KAZN: variants seen among roughly 807,000 people sequenced by gnomAD.
KAZN encodes kazrin, periplakin interacting protein, also known as kazrin.
In KAZN, 40 loss-of-function variants were observed where a neutral mutation model predicts 87.4. That is an observed-to-expected ratio of 0.46 (90% CI 0.36 to 0.60). The LOEUF (loss-of-function observed/expected upper bound fraction) is 0.60. Ranked by LOEUF, KAZN falls within the 20% of genes least tolerant of loss-of-function variation. The pLI, the probability that KAZN is intolerant of heterozygous loss-of-function variation, is 0.00. For synonymous variants in KAZN, 466 were observed against 458.3 expected, an observed-to-expected ratio of 1.02 and a Z score of -0.22; for missense variants, 898 against 1,073.9, an observed-to-expected ratio of 0.84 and a Z score of 2.29.
chr1:14,106,433 C>A (rs1024397434), intron 1 of KAZN, among the ~76,000 whole-genome samples: 4 of 152,176 alleles, frequency 2.6e-5, no homozygotes, highest in Non-Finnish European at 4.4e-5. Context: ...TGTGGAACAA[C>A]CCACATCCCT....
chr1:14,685,903 G>A (rs1179733567), intron 1 of KAZN, among the ~76,000 whole-genome samples: 1 of 152,020 alleles, frequency 6.6e-6, no homozygotes, highest in Non-Finnish European at 1.5e-5. Flanking sequence ...AACTCCGTGG[G>A]ATGGGTATTA....
chr1:13,959,578 A>T (rs1456628168), intron 1 of KAZN, among the ~76,000 whole-genome samples: 1 of 152,048 alleles, frequency 6.6e-6, no homozygotes, highest in Non-Finnish European at 1.5e-5. Flanking sequence ...GCCCTCTCGC[A>T]CCCTCAGGGC....
At chr1:14,258,889 G>A (rs934706239) in intron 2 of KAZN, among the ~76,000 whole-genome samples, 2 of 152,160 alleles carry the variant, frequency 1.3e-5, no homozygotes, top group African/African-American at 4.8e-5. Flanking sequence ...ATGGTAAATG[G>A]TCAACACACG....
intron 1 of KAZN, among the ~76,000 whole-genome samples, chr1:14,076,448 A>G (rs61775666): frequency 0.15 from 23,107 of 152,180 alleles, 2,379 homozygotes; most frequent in Middle Eastern, 0.29. Flanking sequence ...ATTCTCCATC[A>G]CATCTCAGAA....
intron 1 of KAZN, among the ~76,000 whole-genome samples, chr1:14,678,517 G>A (rs986959421): frequency 6.6e-6 from 1 of 152,150 alleles, no homozygotes; most frequent in African/African-American, 2.4e-5. Flanking sequence ...CCTATCGTGG[G>A]ACTTTACCCT....
At chr1:14,168,044 T>C (rs888784993) in intron 1 of KAZN, among the ~76,000 whole-genome samples, 1 of 152,164 alleles carries the variant, frequency 6.6e-6, no homozygotes, top group African/African-American at 2.4e-5. Flanking sequence ...CAATCTTCTG[T>C]CACTGTAAGG....
chr1:13,907,760 T>A (rs1467791385), intron 1 of KAZN, among the ~76,000 whole-genome samples: 2 of 152,232 alleles, frequency 1.3e-5, no homozygotes, highest in Non-Finnish European at 2.9e-5. Context: ...TCAGACTGGC[T>A]TCTCATGAAA....
chr1:14,534,460 C>A (rs1216065752), intron 2 of KAZN, among the ~76,000 whole-genome samples: 1 of 152,122 alleles, frequency 6.6e-6, no homozygotes, highest in African/African-American at 2.4e-5. Flanking sequence ...GCCTGGCCAA[C>A]ATGGCGAAAC....
At chr1:14,013,978 G>A (rs1640445551) in intron 1 of KAZN, among the ~76,000 whole-genome samples, 1 of 152,134 alleles carries the variant, frequency 6.6e-6, no homozygotes, top group South Asian at 2.1e-4. Flanking sequence ...ATTCCCAACA[G>A]GTCTCCCTTA....
chr1:14,694,016 G>C (rs978313237), intron 1 of KAZN, among the ~76,000 whole-genome samples: 1 of 152,248 alleles, frequency 6.6e-6, no homozygotes, highest in Non-Finnish European at 1.5e-5. Flanking sequence ...CACCAAGCTA[G>C]AAGGAGATGG....
chr1:14,352,065 T>C (rs980437145), intron 2 of KAZN, among the ~76,000 whole-genome samples: 5 of 152,212 alleles, frequency 3.3e-5, no homozygotes, highest in Admixed American at 6.5e-5. Flanking sequence ...ATTTCTCTAT[T>C]GCAGTTATCT....
chr1:13,948,611 G>A (rs976932410), intron 1 of KAZN, among the ~76,000 whole-genome samples: 1 of 152,134 alleles, frequency 6.6e-6, no homozygotes, highest in Non-Finnish European at 1.5e-5. Context: ...GGCTTCTGCA[G>A]GATGGAACCT....
chr1:14,513,899 A>C (rs1671053371), intron 2 of KAZN, among the ~76,000 whole-genome samples: 1 of 152,022 alleles, frequency 6.6e-6, no homozygotes, highest in African/African-American at 2.4e-5. Context: ...GGTGTCTTTA[A>C]TTTCTAAAAA....
In KAZN at chr1:15,103,394, G is replaced by C; in HGVS notation, c.1815G>C (p.Gln605His). Residue 605 changes from glutamine to histidine, a missense_variant, in exon 12 of 15, where the codon CAG (glutamine) becomes CAC (histidine). Transcript: ENST00000376030. ...AGCGCCGGGCCCGCTGCGAGACGCAGAACATTGACCCCGTGGTGTGGACCA... is the reference window on the plus strand; with the variant it reads ...AGCGCCGGGCCCGCTGCGAGACGCACAACATTGACCCCGTGGTGTGGACCA... The part of the protein sequence containing the change: ...LQERRARCET[Q>H]NIDPVVWTNQ... 6.4e-7 allele frequency: 1 copy of C among 1,552,232 alleles called. No individual in the cohort carries two copies. Among genetic ancestry groups the C allele is most frequent in the East Asian group, 2.4e-5 (1 of 40,940 alleles).
intron 2 of KAZN, among the ~76,000 whole-genome samples, chr1:14,313,877 A>G (rs142462843): frequency 6.6e-6 from 1 of 152,218 alleles, no homozygotes; most frequent in African/African-American, 2.4e-5. Context: ...GTGATTTCCA[A>G]AAGGGTTGGG....
At position 14,764,506 on chromosome 1, in the gene KAZN, C is replaced by A. The variant is rs1025941952; in HGVS notation, c.226+165283C>A. On this transcript the variant is annotated intron_variant, in intron 1 of 14. Transcript: ENST00000376030. ...GTTATCCGCCGCCCCTCTGCCCCCCCATAGAACGTAAGCTTTTTAACAAGT... is the reference window on the plus strand; with the variant it reads ...GTTATCCGCCGCCCCTCTGCCCCCCAATAGAACGTAAGCTTTTTAACAAGT... 5.3e-5 allele frequency among the ~76,000 whole-genome samples: 8 copies of A among 149,766 alleles called. 1 individual carries two copies. Among genetic ancestry groups the A allele is most frequent in the South Asian group, 4.6e-4 (2 of 4,324 alleles).
intron 2 of KAZN, among the ~76,000 whole-genome samples, chr1:14,538,847 C>T (rs1388008072): frequency 6.6e-6 from 1 of 152,156 alleles, no homozygotes; most frequent in African/African-American, 2.4e-5. Flanking sequence ...ATTTACCATC[C>T]AGTATAACAC....
chr1:14,121,275 T>C (rs1644746244), intron 1 of KAZN, among the ~76,000 whole-genome samples: 1 of 152,220 alleles, frequency 6.6e-6, no homozygotes, highest in African/African-American at 2.4e-5. Context: ...CTTAAAAACC[T>C]CTTCTGTTGG....
chr1:15,005,496 C>T (rs978424682), intron 2 of KAZN, among the ~76,000 whole-genome samples: 8 of 152,140 alleles, frequency 5.3e-5, no homozygotes, highest in Non-Finnish European at 7.3e-5. Context: ...AAATTTTAAC[C>T]TAAAGGGGGC....
Sources: allele counts gnomAD v4.1 joint callset (sites outside exome capture counted in the v4.1 genomes callset), GRCh38; gene constraint gnomAD v4.1.1; transcripts MANE v1.5; gene names NCBI Gene and HGNC (gene_info 2026-07-23, HGNC 2026-07-21).